The following MATN2 variants were observed in gnomAD, a reference collection of about 807,000 sequenced individuals.
The protein encoded by MATN2 is matrilin-2.
In MATN2, 69 loss-of-function variants were observed where a neutral mutation model predicts 103.2. The observed-to-expected ratio is 0.67, with a 90% CI of 0.55 to 0.82. The LOEUF (loss-of-function observed/expected upper bound fraction) is 0.82, where lower values mean the gene tolerates loss of function less well. Among genes scored for constraint, MATN2 ranks in the 40% least tolerant of loss-of-function variants. The pLI, the probability that MATN2 is intolerant of heterozygous loss-of-function variation, is 0.00. For synonymous variants in MATN2, 429 were observed against 450.2 expected (o/e 0.95, Z 0.60); for missense variants, 1,023 against 1,211.5 (o/e 0.84, Z 2.31).
intron 5 of MATN2, among the ~76,000 whole-genome samples, chr8:97,961,965 A>G: frequency 6.6e-6 from 1 of 152,324 alleles, no homozygotes; most frequent in East Asian, 1.9e-4. Context: ...TAGCTCAGTG[A>G]CAGGCCAAAG....
intron 5 of MATN2, 85 bp from the exon 6 acceptor site, chr8:97,978,801 T>C: frequency 4.8e-6 from 6 of 1,245,002 alleles, no homozygotes; most frequent in Non-Finnish European, 7.1e-6. Context: ...TCCTAATTAA[T>C]ATCTGTTATC....
At chr8:97,925,329 G>A (rs1368271185) in intron 2 of MATN2, among the ~76,000 whole-genome samples, 2 of 151,992 alleles carry the variant, frequency 1.3e-5, no homozygotes, top group South Asian at 2.1e-4. Flanking sequence ...TATAAGCTTG[G>A]TTGCAGTTTT....
At chr8:97,971,342 A>T in intron 5 of MATN2, among the ~76,000 whole-genome samples, 1 of 152,346 alleles carries the variant, frequency 6.6e-6, no homozygotes, top group East Asian at 1.9e-4. Flanking sequence ...TGTGACCTGC[A>T]TGAAAGTTCA....
intron 6 of MATN2, among the ~76,000 whole-genome samples, chr8:97,992,774 C>T (rs1812438609): frequency 1.8e-5 from 2 of 110,574 alleles, no homozygotes; most frequent in Non-Finnish European, 3.5e-5. Context: ...AAAAAAATTA[C>T]TCAGGCATGG....
intron 5 of MATN2, among the ~76,000 whole-genome samples, chr8:97,968,491 A>G (rs1021040021): frequency 6.6e-5 from 10 of 152,210 alleles, no homozygotes; most frequent in Non-Finnish European, 1.3e-4. Context: ...TTGCTCCAGT[A>G]TCTGATCATA....
chr8:98,025,871 C>T (rs149034299), intron 13 of MATN2: 6 of 329,856 alleles, frequency 1.8e-5, no homozygotes, highest in South Asian at 1.1e-4. Flanking sequence ...TGCTTACTAT[C>T]GACCATCTAT....
At chr8:97,964,829 G>A (rs1314993108) in intron 5 of MATN2, among the ~76,000 whole-genome samples, 2 of 152,052 alleles carry the variant, frequency 1.3e-5, no homozygotes, top group Non-Finnish European at 2.9e-5. Flanking sequence ...TGTCCCCCAG[G>A]CTCACATGAT....
chr8:97,988,152 CAAAAAAA>C (rs869146483), intron 6 of MATN2, among the ~76,000 whole-genome samples: 1 of 65,864 alleles, frequency 1.5e-5, no homozygotes, highest in African/African-American at 8.1e-5. Flanking sequence ...CCATCTCCAC[CAAAAAAA>C]AAAAAAAAAA....
chr8:97,941,511 C>T (rs1422493525), intron 3 of MATN2, among the ~76,000 whole-genome samples: 1 of 151,978 alleles, frequency 6.6e-6, no homozygotes, highest in Non-Finnish European at 1.5e-5. Flanking sequence ...AAATTTCTTG[C>T]TTTTTTTTGT....
chr8:97,949,624 C>A (rs1244748828), intron 4 of MATN2, among the ~76,000 whole-genome samples: 1 of 152,148 alleles, frequency 6.6e-6, no homozygotes, highest in Non-Finnish European at 1.5e-5. Flanking sequence ...ATTTACCTAT[C>A]ATGTGACCCA....
chr8:97,950,298 T>TA (rs1433728489), intron 4 of MATN2, among the ~76,000 whole-genome samples: 2 of 152,182 alleles, frequency 1.3e-5, no homozygotes, highest in Non-Finnish European at 2.9e-5. Context: ...TAAGCAGGGA[T>TA]AAAGTATGGA....
At chr8:97,969,171 G>C (rs1811577470) in intron 5 of MATN2, among the ~76,000 whole-genome samples, 1 of 152,210 alleles carries the variant, frequency 6.6e-6, no homozygotes. Context: ...AACTGAGCAA[G>C]AACTCACTCA....
intron 11 of MATN2, among the ~76,000 whole-genome samples, chr8:98,017,208 A>G (rs1187710547): frequency 1.3e-5 from 2 of 152,226 alleles, no homozygotes; most frequent in African/African-American, 4.8e-5. Context: ...AAAGTTGCCT[A>G]ACTTCTCTAA....
At chr8:97,945,680 AATACACACACAC>A (rs1810722754) in intron 4 of MATN2, among the ~76,000 whole-genome samples, 1 of 146,230 alleles carries the variant, frequency 6.8e-6, no homozygotes, top group South Asian at 2.2e-4. Flanking sequence ...ACTGCCTTCA[AATACACACACAC>A]ATACACACTA....
intron 6 of MATN2, among the ~76,000 whole-genome samples, chr8:97,986,658 G>C (rs906235987): frequency 6.6e-6 from 1 of 152,156 alleles, no homozygotes; most frequent in Non-Finnish European, 1.5e-5. Context: ...TATAGACACT[G>C]TATTTTCTTT....
At chr8:97,891,203 C>T (rs532478967) in intron 2 of MATN2, among the ~76,000 whole-genome samples, 2 of 152,244 alleles carry the variant, frequency 1.3e-5, no homozygotes, top group East Asian at 3.9e-4. Flanking sequence ...TTGGTAGAAT[C>T]GGTGTGCAAA....
chr8:97,883,365 T>A (rs1399442431), intron 1 of MATN2, among the ~76,000 whole-genome samples: 2 of 151,702 alleles, frequency 1.3e-5, no homozygotes, highest in East Asian at 3.9e-4. Context: ...TTTCTACTAG[T>A]CTGTAACTTG....
At chr8:97,913,639 G>A (rs949692198) in intron 2 of MATN2, among the ~76,000 whole-genome samples, 7 of 145,674 alleles carry the variant, frequency 4.8e-5, no homozygotes, top group African/African-American at 7.6e-5. Flanking sequence ...TTTTGAGATG[G>A]AGTCTCACTG....
At chr8:98,025,572 C>A (rs963125729) in intron 13 of MATN2, 2 of 271,236 alleles carry the variant, frequency 7.4e-6, no homozygotes, top group Non-Finnish European at 1.5e-5. Flanking sequence ...ATGGTGAAAC[C>A]CCGTCTCTAC....
Sources: allele counts gnomAD v4.1 joint callset (sites outside exome capture counted in the v4.1 genomes callset), GRCh38; gene constraint gnomAD v4.1.1; transcripts MANE v1.5; gene names NCBI Gene and HGNC (gene_info 2026-07-23, HGNC 2026-07-21).